SGCZ: variants seen among roughly 807,000 people sequenced by gnomAD.
SGCZ encodes zeta-sarcoglycan.
Under a neutral mutation model 41.3 loss-of-function variants are expected in SGCZ, and 40 were observed. The observed-to-expected ratio is 0.97, with a 90% confidence interval of 0.75 to 1.26. SGCZ has a LOEUF of 1.26. Among genes scored for constraint, SGCZ ranks in the 50% most tolerant of loss-of-function variants. The pLI is 0.00. For synonymous variants in SGCZ, 206 were observed against 137.5 expected (o/e 1.50, Z -3.49); for missense variants, 552 against 369.8 (o/e 1.49, Z -4.04).
At chr8:14,782,704 G>A (rs182692945) in intron 1 of SGCZ, among the ~76,000 whole-genome samples, 42 of 141,328 alleles carry the variant, frequency 3.0e-4, no homozygotes, top group Non-Finnish European at 5.4e-4. Context: ...ATTAGCAGAT[G>A]CAATAACCAC....
At chr8:14,433,083 T>C (rs1303654788) in intron 2 of SGCZ, among the ~76,000 whole-genome samples, 1 of 152,074 alleles carries the variant, frequency 6.6e-6, no homozygotes, top group Non-Finnish European at 1.5e-5. Flanking sequence ...TCTTCAAGTA[T>C]AAATAAAGGA....
At chr8:14,280,721 A>G (rs1189153946) in intron 3 of SGCZ, among the ~76,000 whole-genome samples, 1 of 151,684 alleles carries the variant, frequency 6.6e-6, no homozygotes, top group Non-Finnish European at 1.5e-5. Flanking sequence ...GACTTTGGAC[A>G]TCTTTCAAAC....
chr8:14,370,774 T>A (rs1274082637), intron 2 of SGCZ, among the ~76,000 whole-genome samples: 1 of 151,970 alleles, frequency 6.6e-6, no homozygotes, highest in Non-Finnish European at 1.5e-5. Context: ...TATTATCCAC[T>A]GAATAAGTAT....
At chr8:14,588,378 A>G (rs989429572) in intron 1 of SGCZ, among the ~76,000 whole-genome samples, 4 of 152,166 alleles carry the variant, frequency 2.6e-5, no homozygotes, top group African/African-American at 9.6e-5. Flanking sequence ...AAGAGATTTC[A>G]AAATTTATGA....
intron 3 of SGCZ, among the ~76,000 whole-genome samples, chr8:14,322,261 G>A (rs1801946844): frequency 6.6e-6 from 1 of 152,044 alleles, no homozygotes; most frequent in Non-Finnish European, 1.5e-5. Context: ...GTTATAGGGA[G>A]ACAAACAATA....
chr8:14,385,630 T>C (rs1344942255), intron 2 of SGCZ, among the ~76,000 whole-genome samples: 1 of 152,140 alleles, frequency 6.6e-6, no homozygotes, highest in Non-Finnish European at 1.5e-5. Context: ...CCATGGGGTC[T>C]TGGTACAGTG....
chr8:14,240,156 A>T (rs1585267105), intron 3 of SGCZ, among the ~76,000 whole-genome samples: 1 of 150,822 alleles, frequency 6.6e-6, no homozygotes, highest in African/African-American at 2.4e-5. Context: ...GCCAAACCCC[A>T]TCTCTACTAA....
intron 2 of SGCZ, among the ~76,000 whole-genome samples, chr8:14,409,460 G>C (rs1799302586): frequency 6.7e-6 from 1 of 148,596 alleles, no homozygotes; most frequent in South Asian, 2.1e-4. Flanking sequence ...GTTTGGTAAT[G>C]CTGGCTCAGA....
intron 1 of SGCZ, among the ~76,000 whole-genome samples, chr8:14,987,371 A>C: frequency 6.6e-6 from 1 of 152,012 alleles, no homozygotes; most frequent in East Asian, 1.9e-4. Context: ...TTGTACAGAC[A>C]GGAAAATAAT....
chr8:14,382,317 ATTGT>A (rs1804397435), intron 2 of SGCZ, among the ~76,000 whole-genome samples: 1 of 152,060 alleles, frequency 6.6e-6, no homozygotes, highest in Non-Finnish European at 1.5e-5. Context: ...ACCAGTATTG[ATTGT>A]TTGCGTAAGG....
At chr8:14,449,393 G>T (rs897469398) in intron 2 of SGCZ, among the ~76,000 whole-genome samples, 8 of 152,104 alleles carry the variant, frequency 5.3e-5, no homozygotes, top group Non-Finnish European at 1.2e-4. Context: ...TCTAGACCTG[G>T]ATCATTTGTG....
intron 2 of SGCZ, among the ~76,000 whole-genome samples, chr8:14,459,780 C>T (rs551673869): frequency 8.5e-5 from 13 of 152,172 alleles, no homozygotes; most frequent in Admixed American, 3.9e-4. Flanking sequence ...CATCCTCACC[C>T]CAACCATAAG....
intron 5 of SGCZ, among the ~76,000 whole-genome samples, chr8:14,142,951 G>C (rs574726011): frequency 6.6e-6 from 1 of 150,492 alleles, no homozygotes; most frequent in Admixed American, 6.7e-5. Context: ...TATGCTTCCT[G>C]TATAGCCTGT....
Position 14,477,934 on chromosome 8 carries a change from A to G in SGCZ, c.234+76798T>C, listed in dbSNP as rs565744489. 3.9e-4 allele frequency among the ~76,000 whole-genome samples: 59 copies of G among 152,322 alleles called. 1 individual carries two copies. The highest frequency in any genetic ancestry group is 1.3e-3 in the African/African-American group (56 of 41,570). ...GAGATTTTTAGACTTTAAGGAACTC[A>G]CTAAAGATTGTTTAAGAAATGATGC... On this transcript the variant is annotated intron_variant, in intron 2 of 7. Coordinates refer to ENST00000382080, the MANE Select transcript of SGCZ (RefSeq NM_139167.4).
intron 1 of SGCZ, among the ~76,000 whole-genome samples, chr8:14,792,981 CACTT>C (rs1481803455): frequency 6.6e-6 from 1 of 152,168 alleles, no homozygotes; most frequent in African/African-American, 2.4e-5. Context: ...GAACTTCTGA[CACTT>C]ACATTTATTT....
chr8:14,558,202 C>T (rs973881601), intron 1 of SGCZ, among the ~76,000 whole-genome samples: 18 of 152,028 alleles, frequency 1.2e-4, no homozygotes, highest in African/African-American at 4.1e-4. Flanking sequence ...AGTCCAGGAC[C>T]AGTTGGATTC....
intron 1 of SGCZ, among the ~76,000 whole-genome samples, chr8:14,608,854 G>T (rs972074855): frequency 6.6e-6 from 1 of 151,642 alleles, no homozygotes; most frequent in Non-Finnish European, 1.5e-5. Context: ...GAAAAAAAAT[G>T]ACAAAAAAAA....
At chr8:14,161,661 T>G (rs1235943112) in intron 5 of SGCZ, among the ~76,000 whole-genome samples, 1 of 152,216 alleles carries the variant, frequency 6.6e-6, no homozygotes, top group Non-Finnish European at 1.5e-5. Flanking sequence ...GCTTGTAATT[T>G]TATTATTTTA....
intron 1 of SGCZ, among the ~76,000 whole-genome samples, chr8:14,755,753 T>A (rs1018961486): frequency 1.3e-5 from 2 of 152,244 alleles, no homozygotes; most frequent in African/African-American, 4.8e-5. Flanking sequence ...TGCTCATAAC[T>A]GTGATGAATG....
Sources: gnomAD v4.1 joint callset for allele counts (sites outside exome capture counted in the v4.1 genomes callset) on GRCh38, gnomAD v4.1.1 for gene constraint, MANE v1.5 for transcripts, NCBI Gene and HGNC (gene_info 2026-07-23, HGNC 2026-07-21) for gene names.